FRMPD3: variants seen among roughly 807,000 people sequenced by gnomAD.
FRMPD3 encodes FERM and PDZ domain containing 3.
Under a neutral mutation model 97.9 loss-of-function variants are expected in FRMPD3, and 42 were observed. The ratio of observed to expected loss-of-function variants is 0.43; its 90% CI spans 0.34 to 0.55. The LOEUF is 0.55. FRMPD3 is among the 20% of genes least tolerant of loss of function. The pLI is 0.03. For missense variants in FRMPD3, 1,303 were observed against 1,457.7 expected, an observed-to-expected ratio of 0.89 and a Z score of 1.73; for synonymous variants, 577 against 581.1, an observed-to-expected ratio of 0.99 and a Z score of 0.10.
intron 1 of FRMPD3, among the ~76,000 whole-genome samples, chrX:107,488,942 G>A (rs1175242330): frequency 5.7e-5 from 6 of 104,818 alleles, no homozygotes; most frequent in South Asian, 4.7e-4. Flanking sequence ...CCATTAACTC[G>A]TCATTTAGCA....
Position 107,601,235 on chromosome X carries a change from T to G in FRMPD3, c.3196T>G (p.Leu1066Val), listed in dbSNP as rs202060665. Residue 1066 changes from leucine to valine, a missense_variant, in exon 15 of 15, where the codon TTG (leucine) becomes GTG (valine). Physicochemically the swap from Leu to Val is conservative, Grantham distance 32. Transcript: ENST00000683843. ...AAATTTCCCTCCCAAAAGCTATCTTTTGCGAACAAGCCGAGAGTCAGTGGG... is the reference window on the plus strand; with the variant it reads ...AAATTTCCCTCCCAAAAGCTATCTTGTGCGAACAAGCCGAGAGTCAGTGGG... The part of the protein sequence containing the change: ...VQNFPPKSYL[L>V]RTSRESVGKQ... 1.6e-4 allele frequency: 191 copies of G among 1,207,275 alleles called. No homozygotes were observed. Among genetic ancestry groups the G allele is most frequent in the Non-Finnish European group, 2.0e-4 (183 of 893,744 alleles).
intron 1 of FRMPD3, chrX:107,513,370 C>A (rs1391343905): frequency 3.6e-5 from 4 of 111,620 alleles, no homozygotes; most frequent in East Asian, 5.6e-4. Context: ...AGGAAAGTAA[C>A]CAAATCATCT....
chrX:107,506,707 C>T (rs952835095), intron 1 of FRMPD3, among the ~76,000 whole-genome samples: 16 of 112,235 alleles, frequency 1.4e-4, no homozygotes, highest in African/African-American at 4.9e-4. Flanking sequence ...GCCGACTGTC[C>T]CGGGCGGCGG....
chrX:107,533,299 G>T (rs1200033761), intron 3 of FRMPD3, among the ~76,000 whole-genome samples: 2 of 111,524 alleles, frequency 1.8e-5, no homozygotes, highest in African/African-American at 6.5e-5. Context: ...TACCATCTTC[G>T]GATACCTGTG....
chrX:107,497,297 T>C (rs1921798148), intron 1 of FRMPD3, among the ~76,000 whole-genome samples: 1 of 113,256 alleles, frequency 8.8e-6, no homozygotes, highest in Non-Finnish European at 1.9e-5. Context: ...AGAGGCTGCT[T>C]CTTCCTGACC....
chrX:107,575,247 C>T (rs1027404208), intron 12 of FRMPD3, among the ~76,000 whole-genome samples: 2 of 111,802 alleles, frequency 1.8e-5, no homozygotes, highest in Non-Finnish European at 3.8e-5. Context: ...ATTCAGAAAA[C>T]TTAGAATATT....
chrX:107,602,134 C>T lies in FRMPD3; in HGVS notation c.4095C>T (p.Asp1365=). 8.3e-7 allele frequency: 1 copy of T among 1,210,865 alleles called. No individual in the cohort carries two copies. Among genetic ancestry groups the T allele is most frequent in the Non-Finnish European group, 1.1e-6 (1 of 895,308 alleles). Residue 1365 remains aspartate (D), a synonymous_variant, in exon 15 of 15, where the codon GAC becomes GAT. Transcript: ENST00000683843. ...TGGAGTCCCGAGAGTGCCGATCGGA[C>T]CCTGAGAGTGGTGTTTCGTGCCTGA... is the stretch of plus-strand genomic sequence containing the variant. The part of the protein sequence containing the change: ...TSLESRECRS[D]PESGVSCLTT...
At chrX:107,540,118 G>A (rs778536139) in intron 4 of FRMPD3, among the ~76,000 whole-genome samples, 2 of 111,667 alleles carry the variant, frequency 1.8e-5, no homozygotes, top group African/African-American at 6.5e-5. Context: ...AGAGAGTCAG[G>A]TGTAGTTTGT....
At chrX:107,570,930 C>G (rs1208871844) in intron 12 of FRMPD3, among the ~76,000 whole-genome samples, 2 of 112,228 alleles carry the variant, frequency 1.8e-5, no homozygotes, top group Admixed American at 9.5e-5. Flanking sequence ...GCTCATGCCT[C>G]CAACTCCATT....
At chrX:107,461,617 C>G (rs1167254181) in intron 1 of FRMPD3, among the ~76,000 whole-genome samples, 1 of 110,787 alleles carries the variant, frequency 9.0e-6, no homozygotes, top group Non-Finnish European at 1.9e-5. Context: ...ACGCTGCTGC[C>G]AGAGGAATCT....
chrX:107,522,007 A>T (rs192993883), intron 1 of FRMPD3, among the ~76,000 whole-genome samples: 1 of 112,169 alleles, frequency 8.9e-6, no homozygotes, highest in East Asian at 2.8e-4. Flanking sequence ...TCGAGCTACC[A>T]GTCCCTCTTT....
rs1369244772 is a variant in FRMPD3, at chrX:107,600,671, C to T, written c.2632C>T (p.His878Tyr). 1 of 1,205,315 alleles carries T rather than the reference C, an allele frequency of 8.3e-7. No individual in the cohort carries two copies. Among genetic ancestry groups the T allele is most frequent in the Middle Eastern group, 2.3e-4 (1 of 4,345 alleles). Reference sequence around the variant, plus strand: ...AGAACGAACATACTCCTTGGCAGTGCACCCAGCACTGTCCCCACAGCTTAG... The same window carrying T: ...AGAACGAACATACTCCTTGGCAGTGTACCCAGCACTGTCCCCACAGCTTAG... ...QGERTYSLAV[H>Y]PALSPQLSEQ... The change falls in exon 15 of 15, where the codon CAC (histidine) becomes TAC (tyrosine). Residue 878 changes from histidine to tyrosine, a missense_variant. By Grantham distance (83) the His-to-Tyr change is moderately conservative (BLOSUM62 2). Around this residue, in one of 3 missense-constraint regions of FRMPD3, gnomAD observed 764 missense variants for 820.2 expected, o/e 0.93. Transcript: ENST00000683843.
chrX:107,595,937 C>CAAA (rs377196495), intron 13 of FRMPD3, among the ~76,000 whole-genome samples: 2 of 51,572 alleles, frequency 3.9e-5, no homozygotes, highest in Non-Finnish European at 8.1e-5. Context: ...GACTCCGTCT[C>CAAA]AAAAAAAAAA....
In FRMPD3 at chrX:107,471,289, CTTCCTTCCTTCT is replaced by C. The variant is rs1323149946; in HGVS notation, c.-8+21293_-8+21304del. 2.9e-5 allele frequency among the ~76,000 whole-genome samples: 3 copies of C among 105,051 alleles called. No individual in the cohort carries two copies. In the East Asian group the frequency reaches 8.9e-4, roughly 31 times the overall value. 91.2% of individuals were successfully genotyped at this position (105,051 alleles called of 115,157 possible). A position where few individuals can be genotyped will look rare whatever the true frequency, so the allele number is the denominator to read the frequency against. ...CCTTCCTTCCTTCTTTCCTTCCTTC[CTTCCTTCCTTCT>C]TTCCTTCCCTCCCTCCCTCCCTTCC... On this transcript the variant is annotated intron_variant, in intron 1 of 14. Coordinates refer to ENST00000683843, the MANE Select transcript of FRMPD3 (RefSeq NM_001388459.1).
At position 107,602,966 on chromosome X, in the gene FRMPD3, C is replaced by T. The variant is rs369146286; in HGVS notation, c.4927C>T (p.Arg1643Cys). 4.7e-5 allele frequency: 57 copies of T among 1,209,893 alleles called. No homozygotes were observed. The highest frequency in any genetic ancestry group is 6.1e-5 in the Non-Finnish European group (55 of 895,242). The stretch of plus-strand genomic sequence containing the variant: ...GTTCAAGGAGCTCCGGGCCTCCTGC[C>T]GCCGTGTGGCCAATGTGGACAAGAG... ...LKFKELRASCRRVANVDKSPT... is the reference protein window; with the variant it reads ...LKFKELRASCCRVANVDKSPT... The change falls in exon 15 of 15, where the codon CGC (arginine) becomes TGC (cysteine). Residue 1643 changes from arginine to cysteine, a missense_variant. Physicochemically the swap from Arg to Cys is radical, Grantham distance 180 (BLOSUM62 -3). This residue lies in a region of FRMPD3 where 764 missense variants were observed against 820.2 expected (regional missense o/e 0.93). Coordinates refer to ENST00000683843, the MANE Select transcript of FRMPD3 (RefSeq NM_001388459.1).
intron 4 of FRMPD3, 74 bp downstream of exon 4, chrX:107,533,624 A>G: frequency 1.0e-6 from 1 of 988,205 alleles, no homozygotes; most frequent in Non-Finnish European, 1.4e-6. Context: ...GGAAAGCAAC[A>G]GTGATGGGGT....
chrX:107,520,388 C>G (rs1485747911), intron 1 of FRMPD3, among the ~76,000 whole-genome samples: 1 of 110,541 alleles, frequency 9.0e-6, no homozygotes, highest in Non-Finnish European at 1.9e-5. Flanking sequence ...GTCTGAAATC[C>G]CAGCACTTTG....
chrX:107,589,666 C>T (rs781737262), intron 13 of FRMPD3, among the ~76,000 whole-genome samples: 2 of 111,992 alleles, frequency 1.8e-5, no homozygotes, highest in African/African-American at 3.2e-5. Flanking sequence ...CTTGACCCTG[C>T]GCTGTCCTCC....
chrX:107,597,618 T>C lies in FRMPD3; in HGVS notation c.1739T>C (p.Phe580Ser), dbSNP rs1014975346. The C allele has an allele frequency of 8.3e-7, 1 of 1,210,766 alleles. No individual in the cohort carries two copies. Among genetic ancestry groups the C allele is most frequent in the East Asian group, 3.0e-5 (1 of 33,822 alleles). Residue 580 changes from phenylalanine to serine, a missense_variant, in exon 14 of 15, where the codon TTT becomes TCT. Physicochemically the swap from Phe to Ser is radical, Grantham distance 155 (BLOSUM62 -2). Around this residue, in one of 3 missense-constraint regions of FRMPD3, gnomAD observed 535 missense variants for 618.6 expected, o/e 0.86. Coordinates refer to ENST00000683843, the MANE Select transcript of FRMPD3 (RefSeq NM_001388459.1). ...GGTTATGAGGTAGTCCCTGATGACT[T>C]TGATGCAGCTAGCCTAGACCACGAG... ...GQGYEVVPDD[F>S]DAASLDHEPC...
Sources: gnomAD v4.1 joint callset for allele counts (sites outside exome capture counted in the v4.1 genomes callset) on GRCh38, gnomAD v4.1.1 for gene constraint, gnomAD v4.1.1 regional missense constraint, MANE v1.5 for transcripts, NCBI Gene and HGNC (gene_info 2026-07-23, HGNC 2026-07-21) for gene names.